EMSY: variants seen among roughly 807,000 people sequenced by gnomAD.
EMSY encodes the protein BRCA2-interacting transcriptional repressor EMSY.
In EMSY, 26 loss-of-function variants were observed where a neutral mutation model predicts 134.6. The ratio of observed to expected loss-of-function variants is 0.19; its 90% CI spans 0.14 to 0.27. The LOEUF (loss-of-function observed/expected upper bound fraction) is 0.27. Ranked by LOEUF, EMSY falls within the 10% of genes least tolerant of loss-of-function variation. EMSY has a pLI of 1.00. For synonymous variants in EMSY, 579 were observed against 577.8 expected, an observed-to-expected ratio of 1.00 and a Z score of -0.03; for missense variants, 1,305 against 1,611.4, an observed-to-expected ratio of 0.81 and a Z score of 3.26.
At chr11:76,484,887 A>G (rs1949119440) in intron 8 of EMSY, among the ~76,000 whole-genome samples, 1 of 151,198 alleles carries the variant, frequency 6.6e-6, no homozygotes, top group Non-Finnish European at 1.5e-5. Flanking sequence ...AGATTGCGCC[A>G]TTGCACACCC....
intron 8 of EMSY, among the ~76,000 whole-genome samples, chr11:76,477,775 GT>G (rs1364729032): frequency 2.0e-5 from 3 of 152,006 alleles, no homozygotes; most frequent in African/African-American, 7.2e-5. Context: ...AGCTTTTATT[GT>G]TATCTCTCAA....
chr11:76,503,975 G>A (rs1317870820), intron 9 of EMSY, among the ~76,000 whole-genome samples: 1 of 148,902 alleles, frequency 6.7e-6, no homozygotes, highest in Non-Finnish European at 1.5e-5. Flanking sequence ...TTGTAGAGAT[G>A]GGTTTTCACC....
At chr11:76,471,571 T>C (rs1216699920) in intron 7 of EMSY, among the ~76,000 whole-genome samples, 1 of 152,184 alleles carries the variant, frequency 6.6e-6, no homozygotes, top group Non-Finnish European at 1.5e-5. Context: ...CTTTCCTTTT[T>C]TTTGATGACC....
intron 20 of EMSY, 112 bp downstream of exon 21, chr11:76,546,409 TA>T (rs1951655472): frequency 6.5e-6 from 9 of 1,377,230 alleles, no homozygotes; most frequent in Middle Eastern, 5.0e-4. Flanking sequence ...CAGGAAGACA[TA>T]GATATTATCT....
At chr11:76,502,044 GA>G (rs57263473) in intron 9 of EMSY, among the ~76,000 whole-genome samples, 35,262 of 93,042 alleles carry the variant, frequency 0.38, 4,346 homozygotes, top group Non-Finnish European at 0.39. Flanking sequence ...CATTTGAAAT[GA>G]AAAAAAAAAA....
chr11:76,507,564 A>G (rs1480778108), intron 9 of EMSY, among the ~76,000 whole-genome samples: 1 of 152,206 alleles, frequency 6.6e-6, no homozygotes, highest in African/African-American at 2.4e-5. Flanking sequence ...AAGAAACCAC[A>G]TTCGTTGTTC....
chr11:76,498,317 A>G (rs1204751037), intron 9 of EMSY, among the ~76,000 whole-genome samples: 2 of 152,130 alleles, frequency 1.3e-5, no homozygotes, highest in Non-Finnish European at 2.9e-5. Flanking sequence ...AGTATTCTAT[A>G]TATGTATATC....
intron 7 of EMSY, among the ~76,000 whole-genome samples, chr11:76,464,637 G>A (rs919100073): frequency 2.6e-5 from 4 of 152,148 alleles, no homozygotes; most frequent in African/African-American, 9.7e-5. Context: ...GATCTGGATG[G>A]ACCATAATGG....
chr11:76,532,351 G>GTT (rs201396066), intron 14 of EMSY, among the ~76,000 whole-genome samples: 40 of 132,334 alleles, frequency 3.0e-4, no homozygotes, highest in Admixed American at 4.6e-4. Context: ...AGTCCAAAAT[G>GTT]TTTTTTTTTT....
At chr11:76,546,825 T>C (rs1200469886) in intron 20 of EMSY, among the ~76,000 whole-genome samples, 1 of 152,236 alleles carries the variant, frequency 6.6e-6, no homozygotes, top group African/African-American at 2.4e-5. Context: ...TAAGGTGATA[T>C]TTTAAAATAA....
intron 20 of EMSY, among the ~76,000 whole-genome samples, chr11:76,548,559 C>G (rs1380170586): frequency 6.6e-6 from 1 of 152,188 alleles, no homozygotes; most frequent in South Asian, 2.1e-4. Context: ...CTCCAACTAT[C>G]TTATTTTACA....
intron 11 of EMSY, among the ~76,000 whole-genome samples, chr11:76,520,188 G>A (rs1254328058): frequency 6.6e-6 from 1 of 151,968 alleles, no homozygotes; most frequent in Non-Finnish European, 1.5e-5. Context: ...TTAATATAAT[G>A]TTAGACTTGC....
At chr11:76,541,913 G>A in intron 17 of EMSY, 1 of 574,778 alleles carries the variant, frequency 1.7e-6, no homozygotes, top group Non-Finnish European at 3.1e-6. Flanking sequence ...GCAACTTTAA[G>A]GGGTTTGTTC....
chr11:76,549,643 G>T (rs1951777074), intron 20 of EMSY, among the ~76,000 whole-genome samples: 1 of 152,188 alleles, frequency 6.6e-6, no homozygotes, highest in South Asian at 2.1e-4. Flanking sequence ...ACAAGATTTG[G>T]ATTTGAATCT....
intron 9 of EMSY, among the ~76,000 whole-genome samples, chr11:76,509,378 G>A (rs1045386665): frequency 3.9e-5 from 6 of 152,060 alleles, no homozygotes; most frequent in Non-Finnish European, 8.8e-5. Context: ...CTATAATCCC[G>A]CTACTCGGGA....
intron 8 of EMSY, among the ~76,000 whole-genome samples, chr11:76,485,089 A>G (rs935015922): frequency 1.3e-5 from 2 of 152,172 alleles, no homozygotes; most frequent in African/African-American, 4.8e-5. Context: ...CCGGGACCAG[A>G]TGGATTCACA....
intron 4 of EMSY, among the ~76,000 whole-genome samples, chr11:76,457,315 C>T (rs1187851163): frequency 6.6e-6 from 1 of 152,118 alleles, no homozygotes; most frequent in Non-Finnish European, 1.5e-5. Context: ...TTGATTATTT[C>T]GGAGTGAATT....
intron 9 of EMSY, among the ~76,000 whole-genome samples, chr11:76,497,429 G>T (rs1388433676): frequency 6.6e-6 from 1 of 152,124 alleles, no homozygotes; most frequent in Non-Finnish European, 1.5e-5. Context: ...TAAGATTGAT[G>T]TTAATTCTTT....
chr11:76,451,973 TG>T lies in EMSY; in HGVS notation c.170+17del. 1 of 1,465,638 alleles carries T rather than the reference TG, an allele frequency of 6.8e-7. No homozygotes were observed. The highest frequency in any genetic ancestry group is 9.2e-7 in the Non-Finnish European group (1 of 1,085,754). 90.8% of individuals were successfully genotyped at this position (1,465,638 alleles called of 1,614,324 possible). ...AAGTTCTTAGGTAAATTATTGTAAATGTTTGTGAGACTCTAGAAATTTCATT... is the reference window on the plus strand; with the variant it reads ...AAGTTCTTAGGTAAATTATTGTAAATTTTGTGAGACTCTAGAAATTTCATT... On this transcript the variant is annotated intron_variant, in intron 3 of 20. Coordinates refer to ENST00000334736, the Ensembl canonical transcript of EMSY.
Sources: gnomAD v4.1 joint callset for allele counts (sites outside exome capture counted in the v4.1 genomes callset) on GRCh38, gnomAD v4.1.1 for gene constraint, MANE v1.5 for transcripts, NCBI Gene and HGNC (gene_info 2026-07-23, HGNC 2026-07-21) for gene names.